Variants in NRP2 observed in about 807,000 individuals in gnomAD.
NRP2 encodes neuropilin 2.
A neutral mutation model predicts 110.4 loss-of-function variants in NRP2; 52 were observed. The observed-to-expected ratio is 0.47, with a 90% CI of 0.38 to 0.59. The LOEUF is 0.59. Among genes scored for constraint, NRP2 ranks in the 20% least tolerant of loss-of-function variants. NRP2 has a pLI of 0.00. For missense variants in NRP2, 1,049 were observed against 1,203.0 expected (o/e 0.87, Z 1.89); for synonymous variants, 508 against 468.9 (o/e 1.08, Z -1.08).
chr2:205,743,372 G>A lies in NRP2; in HGVS notation c.1461G>A (p.Trp487Ter). ...RIPQAQPGEEWLQVDLGTPKT... is the reference protein window; with the variant it reads ...RIPQAQPGEE The stretch of plus-strand genomic sequence containing the variant: ...CTCAGGCCCAGCCCGGTGAGGAGTG[G>A]CTTCAGGTAGATCTGGGAACACCCA... The change falls in exon 9 of 17, where the codon TGG becomes TGA. Residue 487 changes from tryptophan (W) to a stop codon, truncating the protein, a stop_gained. Transcript: ENST00000357785. LOFTEE classifies it high-confidence loss of function. 1 of 1,614,226 alleles carries A rather than the reference G, an allele frequency of 6.2e-7. No individual in the cohort carries two copies. Among genetic ancestry groups the A allele is most frequent in the Non-Finnish European group, 8.5e-7 (1 of 1,180,044 alleles).
intron 15 of NRP2, chr2:205,778,287 CCT>C (rs2058130296): frequency 6.6e-6 from 1 of 151,636 alleles, no homozygotes; most frequent in Non-Finnish European, 1.5e-5. Context: ...CAGATATGTC[CCT>C]TCAGCACACA....
chr2:205,712,982 T>C (rs191147358), intron 2 of NRP2, among the ~76,000 whole-genome samples: 1 of 152,336 alleles, frequency 6.6e-6, no homozygotes, highest in East Asian at 1.9e-4. Flanking sequence ...ATGAAGCTTT[T>C]TCAAAAATGC....
At chr2:205,736,355 T>C (rs776627138) in intron 7 of NRP2, among the ~76,000 whole-genome samples, 1 of 152,000 alleles carries the variant, frequency 6.6e-6, no homozygotes, top group African/African-American at 2.4e-5. Flanking sequence ...AATAAATAAA[T>C]TAAATTAAAT....
intron 15 of NRP2, chr2:205,776,789 C>T: frequency 7.3e-7 from 1 of 1,368,258 alleles, no homozygotes; most frequent in Non-Finnish European, 9.5e-7. Flanking sequence ...CGAAGAGATC[C>T]ACCCCCAAGC....
At chr2:205,722,410 A>T in intron 3 of NRP2, 68 bp from the exon 4 acceptor site, 13 of 1,283,708 alleles carry the variant, frequency 1.0e-5, no homozygotes, top group Non-Finnish European at 1.4e-5. Context: ...CATTTAAATA[A>T]CCCATGTGAC....
At chr2:205,758,067 T>A (rs2057761946) in intron 12 of NRP2, among the ~76,000 whole-genome samples, 1 of 152,146 alleles carries the variant, frequency 6.6e-6, no homozygotes, top group African/African-American at 2.4e-5. Context: ...GACTGAAACC[T>A]TCATGTCCAC....
intron 2 of NRP2, among the ~76,000 whole-genome samples, chr2:205,711,708 C>T (rs1320181054): frequency 6.6e-6 from 1 of 152,158 alleles, no homozygotes; most frequent in Non-Finnish European, 1.5e-5. Context: ...AAAGAAGGGG[C>T]AGAGTATTCT....
intron 7 of NRP2, among the ~76,000 whole-genome samples, chr2:205,737,712 C>A (rs930546034): frequency 6.6e-6 from 1 of 152,154 alleles, no homozygotes; most frequent in South Asian, 2.1e-4. Flanking sequence ...TGAAAAGATC[C>A]TTCATTTGAT....
At chr2:205,733,780 C>G (rs779467382) in intron 7 of NRP2, among the ~76,000 whole-genome samples, 1 of 152,014 alleles carries the variant, frequency 6.6e-6, no homozygotes, top group Non-Finnish European at 1.5e-5. Flanking sequence ...GCTCCTCCCC[C>G]GCCTGCTCTT....
chr2:205,716,104 A>G (rs887676608), intron 2 of NRP2, 89 bp from the exon 3 acceptor site: 3 of 1,387,014 alleles, frequency 2.2e-6, no homozygotes, highest in Non-Finnish European at 3.1e-6. Flanking sequence ...ACTTCTGCAA[A>G]TGAATAGAGA....
At position 205,753,407 on chromosome 2, in the gene NRP2, C is replaced by T. The variant is rs182852677; in HGVS notation, c.2044+432C>T. Among the ~76,000 whole-genome samples, 38 of 152,248 alleles carry T rather than the reference C, an allele frequency of 2.5e-4. 1 individual carries two copies. Among genetic ancestry groups the T allele is most frequent in the African/African-American group, 8.2e-4 (34 of 41,540 alleles). On this transcript the variant is annotated intron_variant, in intron 12 of 16. Transcript: ENST00000357785. ...TGACTGGCCTTGAGTTTGATTTATA[C>T]GTCTCTGAGGGTGCCACTGCTTCTA...
At chr2:205,769,505 TACACACACACAC>T (rs56837273) in intron 15 of NRP2, among the ~76,000 whole-genome samples, 7 of 145,100 alleles carry the variant, frequency 4.8e-5, no homozygotes, top group Admixed American at 6.8e-5. Context: ...TATACATACA[TACACACACACAC>T]ACACACACAC....
At chr2:205,719,046 G>C (rs535577159) in intron 3 of NRP2, among the ~76,000 whole-genome samples, 1 of 152,066 alleles carries the variant, frequency 6.6e-6, no homozygotes, top group Non-Finnish European at 1.5e-5. Context: ...CAGGTGCCTT[G>C]TCCTATACCC....
At chr2:205,776,501 A>C in intron 15 of NRP2, 1 of 1,608,526 alleles carries the variant, frequency 6.2e-7, no homozygotes. Flanking sequence ...ATTAAGCTAG[A>C]GCAAGACCGT....
intron 15 of NRP2, among the ~76,000 whole-genome samples, chr2:205,787,947 G>C (rs1312003105): frequency 1.3e-5 from 2 of 152,146 alleles, no homozygotes; most frequent in African/African-American, 2.4e-5. Context: ...CATTAGAAGA[G>C]GTTGGGTTTG....
At chr2:205,741,369 G>A (rs1014271700) in intron 8 of NRP2, among the ~76,000 whole-genome samples, 3 of 152,186 alleles carry the variant, frequency 2.0e-5, no homozygotes, top group Non-Finnish European at 4.4e-5. Flanking sequence ...ACATTACCTG[G>A]TGAAGAAGGG....
intron 2 of NRP2, among the ~76,000 whole-genome samples, chr2:205,704,056 C>T (rs10196053): frequency 9.9e-5 from 15 of 152,276 alleles, no homozygotes; most frequent in Non-Finnish European, 1.9e-4. Flanking sequence ...TGTAGGGTCT[C>T]TGCAGCCTCA....
At chr2:205,729,883 T>A (rs1289829343) in intron 7 of NRP2, among the ~76,000 whole-genome samples, 1 of 152,274 alleles carries the variant, frequency 6.6e-6, no homozygotes, top group East Asian at 1.9e-4. Flanking sequence ...CTCTTTTGCC[T>A]CCTCTTTCCC....
At chr2:205,790,042 T>A (rs1157083749) in intron 15 of NRP2, among the ~76,000 whole-genome samples, 2 of 152,234 alleles carry the variant, frequency 1.3e-5, no homozygotes, top group Non-Finnish European at 2.9e-5. Flanking sequence ...GTTGATTAAC[T>A]TATCCTTTTT....
Sources: gnomAD v4.1 joint callset for allele counts (sites outside exome capture counted in the v4.1 genomes callset) on GRCh38, gnomAD v4.1.1 for gene constraint, MANE v1.5 for transcripts, NCBI Gene and HGNC (gene_info 2026-07-23, HGNC 2026-07-21) for gene names.